Variants in TXNDC9 observed in about 807,000 individuals in gnomAD.
The protein encoded by TXNDC9 is thioredoxin domain-containing protein 9.
In TXNDC9, 7 loss-of-function variants were observed where a neutral mutation model predicts 23.0. The ratio of observed to expected loss-of-function variants is 0.30; its 90% CI spans 0.17 to 0.57. TXNDC9 has a LOEUF of 0.57. Among genes scored for constraint, TXNDC9 ranks in the 20% least tolerant of loss-of-function variants. TXNDC9 has a pLI of 0.90. For missense variants in TXNDC9, 198 were observed against 252.6 expected (o/e 0.78, Z 1.47); for synonymous variants, 72 against 90.6 (o/e 0.79, Z 1.17).
chr2:99,319,664 A>T lies in TXNDC9; in HGVS notation c.*18T>A. On this transcript the variant is annotated 3_prime_UTR_variant, in exon 5 of 5. Transcript: ENST00000264255. ...TGAAGCAGAAAAAAAAAGACAATTT[A>T]CAAAGAATTATTGAGCTCTAATCAT... 6.6e-7 allele frequency: 1 copy of T among 1,524,542 alleles called. No homozygotes were observed. Among genetic ancestry groups the T allele is most frequent in the Non-Finnish European group, 8.9e-7 (1 of 1,122,224 alleles). The allele number at this position is 1,524,542 out of a possible 1,614,324, so 94.4% of individuals were successfully genotyped here.
downstream of TXNDC9, among the ~76,000 whole-genome samples, chr2:99,316,121 T>TTC: frequency 1.1e-5 from 1 of 91,368 alleles, no homozygotes; most frequent in Admixed American, 1.4e-4. Context: ...CTTTTTCTTT[T>TTC]TTTTTTTTTT....
chr2:99,334,648 C>A (rs1006105840), intron 1 of TXNDC9, among the ~76,000 whole-genome samples: 3 of 152,158 alleles, frequency 2.0e-5, no homozygotes, highest in African/African-American at 7.2e-5. Context: ...CTGAAATGTC[C>A]TTATGTGGCA....
chr2:99,314,579 G>A (rs1246240975), downstream of TXNDC9, among the ~76,000 whole-genome samples: 1 of 119,952 alleles, frequency 8.3e-6, no homozygotes, highest in Admixed American at 1.2e-4. Context: ...CACCCAGGCT[G>A]GAGTGCAGTG....
the TXNDC9 span, among the ~76,000 whole-genome samples, chr2:99,308,555 G>A: frequency 2.0e-5 from 3 of 151,998 alleles, no homozygotes; most frequent in Non-Finnish European, 4.4e-5. Flanking sequence ...GAGGCAATGG[G>A]CTGGAATGTT....
chr2:99,310,362 T>TC, the TXNDC9 span, among the ~76,000 whole-genome samples: 3 of 152,138 alleles, frequency 2.0e-5, no homozygotes, highest in African/African-American at 4.8e-5. Context: ...CACTGTAGCC[T>TC]CCAACTCCTG....
intron 2 of TXNDC9, 38 bp downstream of exon 2, chr2:99,332,984 T>C: frequency 6.5e-7 from 1 of 1,531,758 alleles, no homozygotes. Context: ...AGGCGCATAC[T>C]GTTATAGCAA....
the TXNDC9 span, among the ~76,000 whole-genome samples, chr2:99,308,656 T>C: frequency 1.3e-5 from 2 of 151,952 alleles, no homozygotes; most frequent in African/African-American, 4.8e-5. Flanking sequence ...ATGAGTACGA[T>C]GTGATTCAAC....
downstream of TXNDC9, among the ~76,000 whole-genome samples, chr2:99,317,241 TC>T (rs2094191345): frequency 6.6e-6 from 1 of 152,238 alleles, no homozygotes; most frequent in South Asian, 2.1e-4. Flanking sequence ...GCTTTTTCGC[TC>T]CTTGTATGGA....
At chr2:99,311,289 C>G in the TXNDC9 span, among the ~76,000 whole-genome samples, 1 of 151,282 alleles carries the variant, frequency 6.6e-6, no homozygotes, top group Non-Finnish European at 1.5e-5. Flanking sequence ...GGCTGGTCCC[C>G]CTGCCTCCTT....
chr2:99,309,248 T>C, the TXNDC9 span, among the ~76,000 whole-genome samples: 229 of 151,672 alleles, frequency 1.5e-3, 3 homozygotes, highest in Non-Finnish European at 5.9e-4. Context: ...TGGCACACGA[T>C]TGTAATCCCA....
the TXNDC9 span, among the ~76,000 whole-genome samples, chr2:99,310,296 G>A: frequency 6.6e-6 from 1 of 152,156 alleles, no homozygotes; most frequent in South Asian, 2.1e-4. Context: ...CTTTTTTTGA[G>A]TCAGAGTCTC....
chr2:99,308,819 C>T, the TXNDC9 span, among the ~76,000 whole-genome samples: 1 of 151,932 alleles, frequency 6.6e-6, no homozygotes, highest in Admixed American at 6.6e-5. Context: ...TCATGCCATT[C>T]TCCTGCCTCA....
the TXNDC9 span, among the ~76,000 whole-genome samples, chr2:99,307,128 C>G: frequency 0.013 from 1,656 of 131,686 alleles, 40 homozygotes; most frequent in Middle Eastern, 0.051. Context: ...CTCTTTCTCT[C>G]TCTCTCTTCC....
chr2:99,319,562 G>T lies in TXNDC9; in HGVS notation c.*120C>A. 1 of 729,272 alleles carries T rather than the reference G, an allele frequency of 1.4e-6. No individual in the cohort carries two copies. Among genetic ancestry groups the T allele is most frequent in the Non-Finnish European group, 2.3e-6 (1 of 432,632 alleles). 45.2% of individuals were successfully genotyped at this position (729,272 alleles called of 1,614,324 possible). On this transcript the variant is annotated 3_prime_UTR_variant, in exon 5 of 5. Coordinates refer to ENST00000264255, the MANE Select transcript of TXNDC9 (RefSeq NM_005783.4). ...AGACACTTTTCGATGTGATACAACTGTATAAAACTCGAGAATATGAGTATT... is the reference window on the plus strand; with the variant it reads ...AGACACTTTTCGATGTGATACAACTTTATAAAACTCGAGAATATGAGTATT...
chr2:99,307,015 C>T, the TXNDC9 span, among the ~76,000 whole-genome samples: 4 of 75,356 alleles, frequency 5.3e-5, no homozygotes, highest in East Asian at 2.7e-3. Context: ...CCCTCCCTCC[C>T]TTCCTTCCTT....
At chr2:99,309,313 G>GGA in the TXNDC9 span, among the ~76,000 whole-genome samples, 8 of 151,980 alleles carry the variant, frequency 5.3e-5, no homozygotes, top group East Asian at 1.5e-3. Flanking sequence ...GGTCGAGGGT[G>GGA]GAGTGAACCG....
At chr2:99,312,891 G>A in the TXNDC9 span, among the ~76,000 whole-genome samples, 4 of 151,788 alleles carry the variant, frequency 2.6e-5, no homozygotes, top group African/African-American at 9.7e-5. Context: ...GGCTGGGCAC[G>A]GTGGCTCATG....
chr2:99,329,180 T>C (rs745340700), intron 2 of TXNDC9, among the ~76,000 whole-genome samples: 1 of 152,224 alleles, frequency 6.6e-6, no homozygotes, highest in Non-Finnish European at 1.5e-5. Context: ...TCCATAATTC[T>C]GGTCTGTGGA....
chr2:99,333,566 A>G (rs1490231174), intron 1 of TXNDC9, among the ~76,000 whole-genome samples: 1 of 152,230 alleles, frequency 6.6e-6, no homozygotes, highest in Admixed American at 6.5e-5. Context: ...AGTTATACCT[A>G]GTGATATATA....
Sources: allele counts gnomAD v4.1 joint callset (sites outside exome capture counted in the v4.1 genomes callset), GRCh38; gene constraint gnomAD v4.1.1; transcripts MANE v1.5; gene names NCBI Gene and HGNC (gene_info 2026-07-23, HGNC 2026-07-21).